Variants in TNFRSF21 observed in about 807,000 individuals in gnomAD.
The protein encoded by TNFRSF21 is tumor necrosis factor receptor superfamily member 21.
A neutral mutation model predicts 45.6 loss-of-function variants in TNFRSF21; 19 were observed. That is an observed-to-expected ratio of 0.42 (90% CI 0.29 to 0.61). The LOEUF (loss-of-function observed/expected upper bound fraction) is 0.61. Ranked by LOEUF, TNFRSF21 falls within the 20% of genes least tolerant of loss-of-function variation. TNFRSF21 has a pLI of 0.23. For synonymous variants in TNFRSF21, 314 were observed against 335.5 expected (o/e 0.94, Z 0.70); for missense variants, 737 against 851.5 (o/e 0.87, Z 1.67).
At chr6:47,248,423 G>T (rs536185611) in intron 4 of TNFRSF21, among the ~76,000 whole-genome samples, 1 of 152,060 alleles carries the variant, frequency 6.6e-6, no homozygotes. Context: ...TAGCCAAGGC[G>T]CAGGGAAAGA....
chr6:47,281,367 T>A (rs1354078177), intron 3 of TNFRSF21, among the ~76,000 whole-genome samples: 5 of 150,588 alleles, frequency 3.3e-5, no homozygotes, highest in African/African-American at 1.2e-4. Flanking sequence ...TATTTTACAA[T>A]ATAAAATCTA....
chr6:47,263,402 A>G (rs924216254), intron 3 of TNFRSF21, among the ~76,000 whole-genome samples: 1 of 152,152 alleles, frequency 6.6e-6, no homozygotes, highest in African/African-American at 2.4e-5. Flanking sequence ...CAGCAGATAG[A>G]TGGTATTTAA....
intron 3 of TNFRSF21, among the ~76,000 whole-genome samples, chr6:47,270,861 G>A (rs929003828): frequency 1.3e-5 from 2 of 152,132 alleles, no homozygotes; most frequent in Non-Finnish European, 2.9e-5. Flanking sequence ...CGAGAACTTC[G>A]AGACACATGC....
At position 47,234,851 on chromosome 6, in the gene TNFRSF21, G is replaced by A; in HGVS notation, c.1557C>T (p.Ser519=). 2 of 1,491,976 alleles carry A rather than the reference G, an allele frequency of 1.3e-6. No individual in the cohort carries two copies. Among genetic ancestry groups the A allele is most frequent in the South Asian group, 2.7e-5 (2 of 73,474 alleles). The allele number at this position is 1,491,976 out of a possible 1,614,324, so 92.4% of individuals were successfully genotyped here. Residue 519 remains serine (S), a synonymous_variant, in exon 5 of 6, where the codon AGC becomes AGT. Transcript: ENST00000296861. ...CGTTGGGGCTGGGGATGGGGCTCGG[G>A]CTAAGCGGGCTGGGGCTCATCGGGA... The part of the protein sequence containing the change: ...LALPMSPSPL[S]PSPIPSPNAK...
chr6:47,239,694 CACTA>C (rs1330322211), intron 4 of TNFRSF21, among the ~76,000 whole-genome samples: 2 of 152,146 alleles, frequency 1.3e-5, no homozygotes, highest in African/African-American at 2.4e-5. Flanking sequence ...GAAGACATAA[CACTA>C]ACTAGCTGTG....
intron 4 of TNFRSF21, among the ~76,000 whole-genome samples, chr6:47,243,475 T>G (rs1764777587): frequency 6.6e-6 from 1 of 152,130 alleles, no homozygotes; most frequent in Admixed American, 6.6e-5. Flanking sequence ...TGGAGTGCAG[T>G]GGTGCAATCT....
At chr6:47,256,547 A>T (rs1321944104) in intron 3 of TNFRSF21, among the ~76,000 whole-genome samples, 2 of 152,208 alleles carry the variant, frequency 1.3e-5, no homozygotes, top group East Asian at 3.8e-4. Context: ...GCCACAAAAA[A>T]TTTAAAAAGG....
intron 3 of TNFRSF21, among the ~76,000 whole-genome samples, chr6:47,259,828 T>A (rs1765045971): frequency 1.3e-5 from 2 of 152,128 alleles, no homozygotes; most frequent in African/African-American, 4.8e-5. Flanking sequence ...GAGAAAAGCA[T>A]GAGGATGGGA....
chr6:47,289,211 G>T (rs577933531), intron 1 of TNFRSF21, among the ~76,000 whole-genome samples: 200 of 152,222 alleles, frequency 1.3e-3, no homozygotes, highest in African/African-American at 4.7e-3. Context: ...TTCTAAATTG[G>T]CTGCTATACC....
At chr6:47,299,043 A>G (rs1237287094) in intron 1 of TNFRSF21, among the ~76,000 whole-genome samples, 1 of 152,248 alleles carries the variant, frequency 6.6e-6, no homozygotes, top group Non-Finnish European at 1.5e-5. Flanking sequence ...CGAAAAGTCA[A>G]CAAACCCAAT....
chr6:47,300,027 C>T (rs774651449), intron 1 of TNFRSF21, among the ~76,000 whole-genome samples: 1 of 152,206 alleles, frequency 6.6e-6, no homozygotes, highest in Admixed American at 6.5e-5. Context: ...ACAGAGACAA[C>T]TTCATTAGTG....
At chr6:47,271,771 T>A (rs1762423149) in intron 3 of TNFRSF21, among the ~76,000 whole-genome samples, 1 of 151,854 alleles carries the variant, frequency 6.6e-6, no homozygotes, top group South Asian at 2.1e-4. Context: ...AGGAGACCCA[T>A]CTCACACGCA....
intron 4 of TNFRSF21, among the ~76,000 whole-genome samples, chr6:47,238,584 T>C (rs1248364469): frequency 6.6e-6 from 1 of 152,228 alleles, no homozygotes; most frequent in Non-Finnish European, 1.5e-5. Context: ...TCCTTCTGAT[T>C]AGTTTCCATG....
chr6:47,286,751 A>G (rs1054161142), intron 1 of TNFRSF21, among the ~76,000 whole-genome samples, 156 bp from the exon 2 acceptor site: 1 of 152,228 alleles, frequency 6.6e-6, no homozygotes, highest in Non-Finnish European at 1.5e-5. Context: ...GCTGCAACAC[A>G]GTAGAACGAG....
At chr6:47,234,631 GT>G (rs1253321751) in intron 5 of TNFRSF21, 38 bp downstream of exon 5, 1 of 1,524,770 alleles carries the variant, frequency 6.6e-7, no homozygotes. Flanking sequence ...TCTTTGGGGG[GT>G]TTAAGTGCGT....
chr6:47,296,076 T>C (rs1762786084), intron 1 of TNFRSF21, among the ~76,000 whole-genome samples: 1 of 152,200 alleles, frequency 6.6e-6, no homozygotes, highest in African/African-American at 2.4e-5. Flanking sequence ...TAACTATTTC[T>C]AAGACTTCTG....
At chr6:47,278,644 A>C (rs962777344) in intron 3 of TNFRSF21, among the ~76,000 whole-genome samples, 2 of 152,200 alleles carry the variant, frequency 1.3e-5, no homozygotes, top group African/African-American at 4.8e-5. Context: ...CTTAGAAGCT[A>C]TGTGGGGAGA....
intron 4 of TNFRSF21, among the ~76,000 whole-genome samples, chr6:47,238,124 T>C (rs995157288): frequency 2.6e-5 from 4 of 152,242 alleles, no homozygotes; most frequent in African/African-American, 9.6e-5. Context: ...TTAAAAGCAG[T>C]CACTACCGAT....
chr6:47,287,970 A>G (rs1431551659), intron 1 of TNFRSF21, among the ~76,000 whole-genome samples: 2 of 152,226 alleles, frequency 1.3e-5, no homozygotes, highest in African/African-American at 4.8e-5. Flanking sequence ...ATTGCAACAC[A>G]CACTTTGAAA....
Sources: gnomAD v4.1 joint callset for allele counts (sites outside exome capture counted in the v4.1 genomes callset) on GRCh38, gnomAD v4.1.1 for gene constraint, MANE v1.5 for transcripts, NCBI Gene and HGNC (gene_info 2026-07-23, HGNC 2026-07-21) for gene names.